ITGBL1: variants seen among roughly 807,000 people sequenced by gnomAD.
ITGBL1 encodes the protein integrin beta-like protein 1.
In ITGBL1, 51 loss-of-function variants were observed where a neutral mutation model predicts 68.5. That is an observed-to-expected ratio of 0.74 (90% CI 0.59 to 0.94). The LOEUF (loss-of-function observed/expected upper bound fraction) is 0.94. Among genes scored for constraint, ITGBL1 ranks in the 40% least tolerant of loss-of-function variants. The pLI is 0.00. For missense variants in ITGBL1, 649 were observed against 647.4 expected (o/e 1.00, Z -0.03); for synonymous variants, 209 against 227.3 (o/e 0.92, Z 0.72).
At chr13:101,602,461 C>T (rs764489790) in intron 7 of ITGBL1, among the ~76,000 whole-genome samples, 1 of 151,862 alleles carries the variant, frequency 6.6e-6, no homozygotes, top group African/African-American at 2.4e-5. Flanking sequence ...TTGAAGAAGT[C>T]GTAATTGACA....
chr13:101,517,542 A>G (rs1182430344), intron 2 of ITGBL1, among the ~76,000 whole-genome samples: 2 of 152,130 alleles, frequency 1.3e-5, no homozygotes, highest in East Asian at 1.9e-4. Context: ...TGACTACACT[A>G]TGGGTTGAGA....
intron 7 of ITGBL1, among the ~76,000 whole-genome samples, chr13:101,632,005 G>A (rs538998620): frequency 2.6e-5 from 4 of 150,960 alleles, no homozygotes; most frequent in Admixed American, 1.3e-4. Context: ...ATTTATATAC[G>A]GTACACAAAA....
chr13:101,567,999 A>C (rs1342786281), intron 3 of ITGBL1, among the ~76,000 whole-genome samples, 154 bp downstream of exon 3: 1 of 152,156 alleles, frequency 6.6e-6, no homozygotes. Context: ...AATAGAAAAA[A>C]AATGCCATCT....
chr13:101,495,892 G>A (rs2048851330), intron 2 of ITGBL1, among the ~76,000 whole-genome samples: 1 of 152,012 alleles, frequency 6.6e-6, no homozygotes, highest in African/African-American at 2.4e-5. Context: ...TGTAATTCTA[G>A]GTAAAAGCAA....
intron 3 of ITGBL1, among the ~76,000 whole-genome samples, chr13:101,572,847 A>G (rs1485466257): frequency 1.3e-5 from 2 of 152,130 alleles, no homozygotes; most frequent in Admixed American, 1.3e-4. Context: ...CCTCATACAC[A>G]GTCCTAACCA....
At chr13:101,625,910 T>G (rs61594628) in intron 7 of ITGBL1, among the ~76,000 whole-genome samples, 17,646 of 152,170 alleles carry the variant, frequency 0.12, 1,442 homozygotes, top group African/African-American at 0.23. Context: ...TTCTAAAGAC[T>G]GCACATGTAT....
Position 101,604,866 on chromosome 13 carries a change from A to ATG in ITGBL1, c.1015+6568_1015+6569insGT, listed in dbSNP as rs2030609246. ...AGGCAATATATATATATATATATAT[A>ATG]TATATATATATATATATATATACAC... On this transcript the variant is annotated intron_variant, in intron 7 of 10. Coordinates refer to ENST00000376180, the MANE Select transcript of ITGBL1 (RefSeq NM_004791.3). Among the ~76,000 whole-genome samples, 8 of 29,086 alleles carry ATG rather than the reference A, an allele frequency of 2.8e-4. 1 individual carries two copies. The East Asian group carries it at 3.9e-3, about 14-fold the overall frequency. 19.1% of individuals were successfully genotyped at this position (29,086 alleles called of 152,430 possible). A position where few individuals can be genotyped will look rare whatever the true frequency, so the allele number is the denominator to read the frequency against.
At chr13:101,614,972 A>G (rs118009048) in intron 7 of ITGBL1, among the ~76,000 whole-genome samples, 426 of 152,304 alleles carry the variant, frequency 2.8e-3, no homozygotes, top group Admixed American at 6.7e-3. Context: ...CTAGGGCTGC[A>G]AAAACAAATG....
At chr13:101,643,686 A>G (rs2032466017) in intron 7 of ITGBL1, among the ~76,000 whole-genome samples, 2 of 152,186 alleles carry the variant, frequency 1.3e-5, no homozygotes, top group South Asian at 2.1e-4. Flanking sequence ...TCAAATTTCT[A>G]ATACAGGGTA....
At chr13:101,608,841 G>A (rs758746886) in intron 7 of ITGBL1, among the ~76,000 whole-genome samples, 1 of 151,964 alleles carries the variant, frequency 6.6e-6, no homozygotes, top group Non-Finnish European at 1.5e-5. Context: ...AAATGACCCT[G>A]CAAAATTAAC....
chr13:101,642,150 A>G (rs550638068), intron 7 of ITGBL1, among the ~76,000 whole-genome samples: 1 of 151,842 alleles, frequency 6.6e-6, no homozygotes, highest in South Asian at 2.1e-4. Flanking sequence ...TGACTTCCAC[A>G]ATGGTTGAAC....
At chr13:101,517,067 G>A (rs191495582) in intron 2 of ITGBL1, among the ~76,000 whole-genome samples, 2 of 152,250 alleles carry the variant, frequency 1.3e-5, no homozygotes, top group East Asian at 3.9e-4. Flanking sequence ...GAGAAATGTG[G>A]CTTTTCTCTT....
At chr13:101,548,944 G>A (rs1052807377) in intron 2 of ITGBL1, among the ~76,000 whole-genome samples, 2 of 151,768 alleles carry the variant, frequency 1.3e-5, no homozygotes, top group African/African-American at 4.8e-5. Context: ...GGCTTAAAAT[G>A]AAGAATACAA....
chr13:101,667,907 A>AT, intron 7 of ITGBL1, among the ~76,000 whole-genome samples: 1 of 151,930 alleles, frequency 6.6e-6, no homozygotes. Flanking sequence ...GTGTAAAAAA[A>AT]AAAAAACCCC....
At chr13:101,554,712 C>T (rs1375350854) in intron 2 of ITGBL1, among the ~76,000 whole-genome samples, 2 of 152,192 alleles carry the variant, frequency 1.3e-5, no homozygotes, top group Non-Finnish European at 2.9e-5. Flanking sequence ...ACCTGAGGCT[C>T]TGTCTTTCCC....
chr13:101,601,126 T>C (rs2030347854), intron 7 of ITGBL1, among the ~76,000 whole-genome samples: 1 of 152,212 alleles, frequency 6.6e-6, no homozygotes, highest in African/African-American at 2.4e-5. Context: ...GTTATTGGTC[T>C]ATTCAGAGAT....
intron 2 of ITGBL1, among the ~76,000 whole-genome samples, chr13:101,473,912 C>T (rs989704893): frequency 6.6e-6 from 1 of 152,158 alleles, no homozygotes; most frequent in East Asian, 1.9e-4. Context: ...TAAAGAGCAC[C>T]TGGGTTTTGA....
Position 101,605,508 on chromosome 13 carries a change from G to GACATGTATATGCTTATA in ITGBL1, c.1015+7209_1015+7210insACATGTATATGCTTATA, listed in dbSNP as rs2030743029. 2.2e-5 allele frequency among the ~76,000 whole-genome samples: 3 copies of GACATGTATATGCTTATA among 137,212 alleles called. 1 individual carries two copies. Among genetic ancestry groups the GACATGTATATGCTTATA allele is most frequent in the African/African-American group, 8.7e-5 (3 of 34,664 alleles). The allele number at this position is 137,212 out of a possible 152,430, so 90.0% of individuals were successfully genotyped here. On this transcript the variant is annotated intron_variant, in intron 7 of 10. Transcript: ENST00000376180. ...TACACATATATAGACATGTATATGC[G>GACATGTATATGCTTATA]TATACACATATAGACATATGTATAT...
intron 6 of ITGBL1, among the ~76,000 whole-genome samples, chr13:101,592,107 T>C (rs1469118275): frequency 1.3e-5 from 2 of 152,192 alleles, no homozygotes; most frequent in African/African-American, 4.8e-5. Context: ...TTGAACCCAT[T>C]ATTTTATTGA....
Sources: gnomAD v4.1 joint callset for allele counts (sites outside exome capture counted in the v4.1 genomes callset) on GRCh38, gnomAD v4.1.1 for gene constraint, MANE v1.5 for transcripts, NCBI Gene and HGNC (gene_info 2026-07-23, HGNC 2026-07-21) for gene names.